KIDINS220: variants seen among roughly 807,000 people sequenced by gnomAD.
KIDINS220 encodes kinase D interacting substrate 220.
Under a neutral mutation model 157.6 loss-of-function variants are expected in KIDINS220, and 63 were observed. The ratio of observed to expected loss-of-function variants is 0.40; its 90% CI spans 0.33 to 0.49. KIDINS220 has a LOEUF of 0.49. Ranked by LOEUF, KIDINS220 falls within the 20% of genes least tolerant of loss-of-function variation. KIDINS220 has a pLI of 0.66. For synonymous variants in KIDINS220, 732 were observed against 783.6 expected, an observed-to-expected ratio of 0.93 and a Z score of 1.10; for missense variants, 1,772 against 2,171.2, an observed-to-expected ratio of 0.82 and a Z score of 3.65.
At position 8,730,616 on chromosome 2, in the gene KIDINS220, T is replaced by C; in HGVS notation, c.*104A>G. ...CCTCGGCCTCATCATCGGTTAGTTA[T>C]CTGTCAGCAAAATGTAGAAAGGTGA... On this transcript the variant is annotated 3_prime_UTR_variant, in exon 30 of 30. Coordinates refer to ENST00000256707, the MANE Select transcript of KIDINS220 (RefSeq NM_020738.4). The C allele has an allele frequency of 6.8e-7, 1 of 1,468,520 alleles. No homozygotes were observed. The highest frequency in any genetic ancestry group is 9.0e-7 in the Non-Finnish European group (1 of 1,117,006). 91.0% of individuals were successfully genotyped at this position (1,468,520 alleles called of 1,614,324 possible).
chr2:8,763,498 T>C (rs1669046736), intron 22 of KIDINS220, among the ~76,000 whole-genome samples: 1 of 152,206 alleles, frequency 6.6e-6, no homozygotes, highest in African/African-American at 2.4e-5. Context: ...CTGCATTAAA[T>C]GTGATAAGCT....
intron 22 of KIDINS220, among the ~76,000 whole-genome samples, chr2:8,765,872 T>C (rs1241808828): frequency 6.6e-6 from 1 of 152,130 alleles, no homozygotes; most frequent in Non-Finnish European, 1.5e-5. Context: ...CCCGACTCTA[T>C]TAATCATTTC....
chr2:8,724,257 A>C (rs1663139883), downstream of KIDINS220: 1 of 152,234 alleles, frequency 6.6e-6, no homozygotes, highest in Admixed American at 6.5e-5. This position sits in a 1 kb window ranked among gnomAD's most constrained non-coding sequence, Gnocchi z 4.6. Context: ...ATTTACATTC[A>C]GTATTTTATG....
intron 10 of KIDINS220, among the ~76,000 whole-genome samples, chr2:8,797,113 C>T (rs1281330388): frequency 6.6e-6 from 1 of 152,168 alleles, no homozygotes; most frequent in Non-Finnish European, 1.5e-5. Context: ...AAGCTACAGC[C>T]GGCAGCAGTG....
chr2:8,808,171 C>T (rs1257913942), intron 6 of KIDINS220, among the ~76,000 whole-genome samples: 4 of 151,998 alleles, frequency 2.6e-5, no homozygotes, highest in Non-Finnish European at 4.4e-5. Context: ...CAACTTCATT[C>T]CTGCATCTGT....
chr2:8,832,226 G>A (rs1679742521), intron 1 of KIDINS220, among the ~76,000 whole-genome samples: 1 of 152,206 alleles, frequency 6.6e-6, no homozygotes, highest in Non-Finnish European at 1.5e-5. Context: ...ATTGCAGGGA[G>A]TTAATAAGAC....
At chr2:8,748,662 T>A (rs141603963) in intron 24 of KIDINS220, among the ~76,000 whole-genome samples, 236 of 152,268 alleles carry the variant, frequency 1.5e-3, no homozygotes, top group African/African-American at 5.4e-3. Context: ...AAGACTGCAG[T>A]TCATAAGGTT....
chr2:8,730,539 G>C lies in KIDINS220; in HGVS notation c.*181C>G, dbSNP rs1299504482. The C allele has an allele frequency of 9.1e-6, 13 of 1,427,402 alleles. No homozygotes were observed. Among genetic ancestry groups the C allele is most frequent in the Middle Eastern group, 2.5e-4 (1 of 3,958 alleles). 88.4% of individuals were successfully genotyped at this position (1,427,402 alleles called of 1,614,324 possible). A position where few individuals can be genotyped will look rare whatever the true frequency, so the allele number is the denominator to read the frequency against. On this transcript the variant is annotated 3_prime_UTR_variant, in exon 30 of 30. Transcript: ENST00000256707. ...TTACAAAGACCACAGAGGCTGGCTG[G>C]TGAGCCATGCTTCTCATGCTCCCTT...
chr2:8,738,244 A>G (rs1472914203), intron 26 of KIDINS220, among the ~76,000 whole-genome samples: 2 of 152,244 alleles, frequency 1.3e-5, no homozygotes, highest in African/African-American at 2.4e-5. Context: ...CAGAATTCCA[A>G]TTAATAAATG....
chr2:8,723,692 C>G (rs1192831803), downstream of KIDINS220: 1 of 152,286 alleles, frequency 6.6e-6, no homozygotes, highest in South Asian at 2.1e-4. Context: ...AAGAAGTGAG[C>G]TACAGATAGG....
chr2:8,801,626 A>T (rs7578415), intron 8 of KIDINS220, among the ~76,000 whole-genome samples: 146,837 of 152,342 alleles, frequency 0.96, 71,020 homozygotes, highest in East Asian at 1. Flanking sequence ...CCAGGTAGGC[A>T]GGGCATGATG....
At position 8,826,709 on chromosome 2, in the gene KIDINS220, A is replaced by G. The variant is rs1216373576; in HGVS notation, c.108+277T>C. ...CAGATGATCTGTAAAGTTTCACAGA[A>G]GTACTTGATTTCAGTAATCAAGCTT... On this transcript the variant is annotated intron_variant, in intron 2 of 29. Transcript: ENST00000256707. The G allele has an allele frequency of 3.2e-5, 7 of 219,986 alleles. No homozygotes were observed. In the East Asian group the frequency reaches 6.8e-4, roughly 21 times the overall value. The allele number at this position is 219,986 out of a possible 1,614,324, so 13.6% of individuals were successfully genotyped here. A position where few individuals can be genotyped will look rare whatever the true frequency, so the allele number is the denominator to read the frequency against.
chr2:8,739,556 A>C (rs1176541085), intron 26 of KIDINS220, among the ~76,000 whole-genome samples: 1 of 152,176 alleles, frequency 6.6e-6, no homozygotes, highest in Non-Finnish European at 1.5e-5. Flanking sequence ...AAAAGGGAGG[A>C]GAAAGAGTGC....
At position 8,778,706 on chromosome 2, in the gene KIDINS220, C is replaced by T; in HGVS notation, c.2636G>A (p.Arg879Lys). 2 of 1,614,106 alleles carry T rather than the reference C, an allele frequency of 1.2e-6. No homozygotes were observed. Among genetic ancestry groups the T allele is most frequent in the South Asian group, 2.2e-5 (2 of 91,082 alleles). The stretch of plus-strand genomic sequence containing the variant: ...CCCAAGGCTGTTCTGTGAAACTCTT[C>T]TGTCAGCATCTTCCTGTATCCCTTA... ...DTTGIQEDAD[R>K]RVSQNSLGEM... Residue 879 changes from arginine to lysine, a missense_variant, in exon 20 of 30, where the codon AGA becomes AAA. Around this residue, in one of 3 missense-constraint regions of KIDINS220, gnomAD observed 725 missense variants for 1,017.1 expected, o/e 0.71. Coordinates refer to ENST00000256707, the MANE Select transcript of KIDINS220 (RefSeq NM_020738.4).
chr2:8,806,197 T>C, intron 7 of KIDINS220, 74 bp downstream of exon 7: 4 of 1,145,416 alleles, frequency 3.5e-6, no homozygotes, highest in African/African-American at 1.6e-5. Context: ...AGGCATACAC[T>C]AAAGAAATAA....
intron 21 of KIDINS220, among the ~76,000 whole-genome samples, chr2:8,772,127 T>A (rs772178395): frequency 6.6e-6 from 1 of 152,106 alleles, no homozygotes; most frequent in Non-Finnish European, 1.5e-5. Context: ...CATGCATGCA[T>A]GCAAAGTCAT....
At chr2:8,772,369 G>A (rs187909251) in intron 21 of KIDINS220, among the ~76,000 whole-genome samples, 108 of 152,078 alleles carry the variant, frequency 7.1e-4, no homozygotes, top group Non-Finnish European at 1.1e-3. Flanking sequence ...CCAGCTACTC[G>A]AGAGGCTGAG....
At chr2:8,743,963 T>G (rs995707681) in intron 26 of KIDINS220, among the ~76,000 whole-genome samples, 4 of 151,674 alleles carry the variant, frequency 2.6e-5, no homozygotes, top group Admixed American at 1.3e-4. Context: ...TTGGCATATA[T>G]TTTTTCTCTA....
chr2:8,789,020 T>C (rs1349267074), intron 14 of KIDINS220, among the ~76,000 whole-genome samples: 1 of 152,184 alleles, frequency 6.6e-6, no homozygotes, highest in African/African-American at 2.4e-5. Context: ...GACTAAAACA[T>C]GCCTTAAACA....
Sources: gnomAD v4.1 joint callset for allele counts (sites outside exome capture counted in the v4.1 genomes callset) on GRCh38, gnomAD v4.1.1 for gene constraint, gnomAD v4.1.1 regional missense constraint, Gnocchi (gnomAD v3.1) non-coding constraint, MANE v1.5 for transcripts, NCBI Gene and HGNC (gene_info 2026-07-23, HGNC 2026-07-21) for gene names.